The following CDC42SE2 variants were observed in gnomAD, a reference collection of about 807,000 sequenced individuals.
The protein encoded by CDC42SE2 is CDC42 small effector protein 2.
Under a neutral mutation model 11.5 loss-of-function variants are expected in CDC42SE2, and 3 were observed. The ratio of observed to expected loss-of-function variants is 0.26; its 90% CI spans 0.12 to 0.67. The LOEUF is 0.67. Ranked by LOEUF, CDC42SE2 falls within the 30% of genes least tolerant of loss-of-function variation. CDC42SE2 has a pLI of 0.80. For missense variants in CDC42SE2, 82 were observed against 106.8 expected, an observed-to-expected ratio of 0.77 and a Z score of 1.02; for synonymous variants, 33 against 34.8, an observed-to-expected ratio of 0.95 and a Z score of 0.18.
chr5:131,326,392 T>C (rs933950431), intron 2 of CDC42SE2, among the ~76,000 whole-genome samples: 2 of 152,236 alleles, frequency 1.3e-5, no homozygotes, highest in African/African-American at 4.8e-5. Flanking sequence ...TCTAGTTTTA[T>C]CCCATTATTG....
In CDC42SE2 at chr5:131,359,303, A is replaced by G; in HGVS notation, c.-191A>G. ...CTGTAGAACCAGAAGCAAAGAAAGG[A>G]AACAATCCAAATTTTTCTTTATTAA... On this transcript the variant is annotated 5_prime_UTR_variant, in exon 3 of 5. Transcript: ENST00000505065. The G allele has an allele frequency of 1.6e-6, 1 of 611,798 alleles. No individual in the cohort carries two copies. Among genetic ancestry groups the G allele is most frequent in the Non-Finnish European group, 2.9e-6 (1 of 341,030 alleles). 37.9% of individuals were successfully genotyped at this position (611,798 alleles called of 1,614,324 possible).
chr5:131,272,494 T>C (rs1228830096), intron 1 of CDC42SE2, among the ~76,000 whole-genome samples: 1 of 152,178 alleles, frequency 6.6e-6, no homozygotes, highest in Non-Finnish European at 1.5e-5. Context: ...CGTCTCCTTG[T>C]ATCTTTACCC....
At chr5:131,363,033 A>C (rs778332802) in intron 3 of CDC42SE2, among the ~76,000 whole-genome samples, 14 of 151,434 alleles carry the variant, frequency 9.2e-5, no homozygotes, top group Non-Finnish European at 1.5e-4. Flanking sequence ...AGTCCTAGCT[A>C]CTCCGGAGGC....
chr5:131,238,174 C>T, the CDC42SE2 span, among the ~76,000 whole-genome samples: 1 of 151,498 alleles, frequency 6.6e-6, no homozygotes, highest in African/African-American at 2.4e-5. Flanking sequence ...AGCACTAGGA[C>T]GAATACCTAA....
intron 2 of CDC42SE2, among the ~76,000 whole-genome samples, chr5:131,321,743 C>T (rs935242569): frequency 1.3e-5 from 2 of 151,784 alleles, no homozygotes; most frequent in African/African-American, 2.4e-5. Flanking sequence ...CATCAAGCGT[C>T]GTACTGGGTA....
intron 2 of CDC42SE2, among the ~76,000 whole-genome samples, chr5:131,336,687 T>C (rs1758571235): frequency 6.6e-6 from 1 of 152,210 alleles, no homozygotes; most frequent in African/African-American, 2.4e-5. Flanking sequence ...TTCTTTTTTC[T>C]CTAAACTTCT....
intron 1 of CDC42SE2, among the ~76,000 whole-genome samples, chr5:131,264,372 C>T (rs1756807846): frequency 1.3e-5 from 2 of 152,166 alleles, no homozygotes; most frequent in African/African-American, 2.4e-5. Context: ...GCCCTAGGAC[C>T]CTGCCTTTGG....
At chr5:131,215,139 A>G in the CDC42SE2 span, among the ~76,000 whole-genome samples, 1 of 152,214 alleles carries the variant, frequency 6.6e-6, no homozygotes, top group Admixed American at 6.5e-5. Flanking sequence ...TCAGTTTAGC[A>G]TCACCCGGAG....
At chr5:131,333,886 A>G (rs549522991) in intron 2 of CDC42SE2, among the ~76,000 whole-genome samples, 1 of 152,194 alleles carries the variant, frequency 6.6e-6, no homozygotes, top group Non-Finnish European at 1.5e-5. Context: ...GGTTTTCTAG[A>G]TATACAATCA....
At chr5:131,215,206 A>T in the CDC42SE2 span, among the ~76,000 whole-genome samples, 1 of 152,236 alleles carries the variant, frequency 6.6e-6, no homozygotes, top group African/African-American at 2.4e-5. Context: ...TGTGTCGCTG[A>T]AAATAGGTCT....
In CDC42SE2 at chr5:131,320,052, A is replaced by C. The variant is rs1202090708; in HGVS notation, c.-286+3908A>C. 3.1e-5 allele frequency among the ~76,000 whole-genome samples: 4 copies of C among 130,134 alleles called. No individual in the cohort carries two copies. The East Asian group carries it at 8.0e-4, about 26-fold the overall frequency. 85.4% of individuals were successfully genotyped at this position (130,134 alleles called of 152,430 possible). A position where few individuals can be genotyped will look rare whatever the true frequency, so the allele number is the denominator to read the frequency against. On this transcript the variant is annotated intron_variant, in intron 2 of 4. Coordinates refer to ENST00000505065, the MANE Select transcript of CDC42SE2 (RefSeq NM_001375635.1). ...GGGGACAGAGCAAGACTCCGTCTTAAAGAAAAAAAAAAAAAAAAAAAAAAA... is the reference window on the plus strand; with the variant it reads ...GGGGACAGAGCAAGACTCCGTCTTACAGAAAAAAAAAAAAAAAAAAAAAAA...
intron 3 of CDC42SE2, among the ~76,000 whole-genome samples, chr5:131,380,749 CAGGGG>C (rs1427362662): frequency 2.0e-5 from 3 of 152,132 alleles, no homozygotes; most frequent in African/African-American, 7.2e-5. Context: ...TGCCATCTTA[CAGGGG>C]AAAAATTCAA....
chr5:131,352,344 G>C (rs1483143792), intron 2 of CDC42SE2, among the ~76,000 whole-genome samples: 2 of 151,988 alleles, frequency 1.3e-5, no homozygotes, highest in Non-Finnish European at 2.9e-5. Context: ...TCCATATAAT[G>C]GAAATCTACT....
At chr5:131,373,493 A>T (rs1750068235) in intron 3 of CDC42SE2, among the ~76,000 whole-genome samples, 1 of 152,186 alleles carries the variant, frequency 6.6e-6, no homozygotes, top group Non-Finnish European at 1.5e-5. Flanking sequence ...GCCTACTGCC[A>T]TCACAGAAGG....
At chr5:131,328,991 G>A (rs1758355178) in intron 2 of CDC42SE2, among the ~76,000 whole-genome samples, 1 of 152,142 alleles carries the variant, frequency 6.6e-6, no homozygotes, top group Non-Finnish European at 1.5e-5. Context: ...TACCAGCCCT[G>A]TAGCTCCCCT....
rs944698347 is a variant in CDC42SE2, at chr5:131,393,368, G to C, written c.*2277G>C. Reference sequence around the variant, plus strand: ...AGTACAGCGGGGCACCAGATTACTTGATCTTTGTATTTTGCAGTTTTGAGC... The same window carrying C: ...AGTACAGCGGGGCACCAGATTACTTCATCTTTGTATTTTGCAGTTTTGAGC... On this transcript the variant is annotated 3_prime_UTR_variant, in exon 5 of 5. Coordinates refer to ENST00000505065, the MANE Select transcript of CDC42SE2 (RefSeq NM_001375635.1). 1.3e-5 allele frequency: 2 copies of C among 152,352 alleles called. No homozygotes were observed. The highest frequency in any genetic ancestry group is 2.9e-5 in the Non-Finnish European group (2 of 68,036). The allele number at this position is 152,352 out of a possible 1,614,324, so 9.4% of individuals were successfully genotyped here.
At chr5:131,273,389 C>A (rs113953385) in intron 1 of CDC42SE2, among the ~76,000 whole-genome samples, 8,761 of 150,280 alleles carry the variant, frequency 0.058, 703 homozygotes, top group African/African-American at 0.18. Context: ...CTCTTGACTT[C>A]AAGTGATCTG....
chr5:131,344,102 A>C (rs1392605832), intron 2 of CDC42SE2, among the ~76,000 whole-genome samples: 1 of 152,188 alleles, frequency 6.6e-6, no homozygotes, highest in Non-Finnish European at 1.5e-5. Flanking sequence ...AGCATGAGCG[A>C]CGCAGAAGAA....
chr5:131,252,006 C>A (rs1169119951), intron 1 of CDC42SE2, among the ~76,000 whole-genome samples: 1 of 146,156 alleles, frequency 6.8e-6, no homozygotes, highest in Non-Finnish European at 1.5e-5. Context: ...CAGAGCAAGA[C>A]CCTGTCTCAA....
Sources: gnomAD v4.1 joint callset for allele counts (sites outside exome capture counted in the v4.1 genomes callset) on GRCh38, gnomAD v4.1.1 for gene constraint, MANE v1.5 for transcripts, NCBI Gene and HGNC (gene_info 2026-07-23, HGNC 2026-07-21) for gene names.